Variants in FGF14 observed in about 807,000 individuals in gnomAD.
The protein encoded by FGF14 is fibroblast growth factor homologous factor 4.
A neutral mutation model predicts 25.5 loss-of-function variants in FGF14; 5 were observed. The observed-to-expected ratio is 0.20, with a 90% CI of 0.10 to 0.41. The LOEUF is 0.41. FGF14 is among the 10% of genes least tolerant of loss of function. The pLI is 1.00. For synonymous variants in FGF14, 138 were observed against 118.3 expected (o/e 1.17, Z -1.08); for missense variants, 222 against 320.1 (o/e 0.69, Z 2.34).
intron 1 of FGF14, among the ~76,000 whole-genome samples, chr13:102,332,473 T>C (rs1450595429): frequency 1.3e-5 from 2 of 152,156 alleles, no homozygotes; most frequent in Non-Finnish European, 2.9e-5. Context: ...GAAACATTAA[T>C]GAGAATCCAA....
intron 1 of FGF14, among the ~76,000 whole-genome samples, chr13:102,259,906 C>G (rs367720828): frequency 1.3e-5 from 2 of 152,200 alleles, no homozygotes; most frequent in South Asian, 4.1e-4. Context: ...TGTTTTTCTG[C>G]ATCTTTTAAA....
At chr13:102,251,194 G>C (rs1010433945) in intron 1 of FGF14, among the ~76,000 whole-genome samples, 1 of 152,100 alleles carries the variant, frequency 6.6e-6, no homozygotes, top group African/African-American at 2.4e-5. Flanking sequence ...CATTGGTATG[G>C]TATCTTTGTC....
At chr13:102,257,346 T>TC (rs1176835081) in intron 1 of FGF14, among the ~76,000 whole-genome samples, 2 of 118,418 alleles carry the variant, frequency 1.7e-5, no homozygotes, top group African/African-American at 6.4e-5. Flanking sequence ...TCTTTTCTTT[T>TC]TTTTTTTTTT....
At chr13:102,174,321 CT>C (rs35818329) in intron 1 of FGF14, among the ~76,000 whole-genome samples, 23,484 of 146,832 alleles carry the variant, frequency 0.16, 3,292 homozygotes, top group East Asian at 0.7. Context: ...TTCTTTCTTT[CT>C]TTTTTTTTTT....
chr13:102,269,662 T>C (rs9554861), intron 1 of FGF14, among the ~76,000 whole-genome samples: 1 of 152,072 alleles, frequency 6.6e-6, no homozygotes. Context: ...TAGCTAGGAC[T>C]GCCAGGCATG....
At chr13:102,267,311 T>C (rs887096540) in intron 1 of FGF14, among the ~76,000 whole-genome samples, 2 of 152,176 alleles carry the variant, frequency 1.3e-5, no homozygotes, top group Admixed American at 1.3e-4. Flanking sequence ...CTGAACACTG[T>C]GCTTAGAACA....
rs151184948 is a variant in FGF14 at position 102,254,040 on chromosome 13, C to T, written c.208+147431G>A. Among the ~76,000 whole-genome samples, 164 of 152,248 alleles carry T rather than the reference C, an allele frequency of 1.1e-3. 2 individuals carry two copies. In the East Asian group the frequency reaches 0.024, roughly 22 times the overall value. On this transcript the variant is annotated intron_variant, in intron 1 of 4. Transcript: ENST00000376131. ...GAAGGTAAACAATGAACACAGTACA[C>T]GGTAACACCACCCAAGGGTAGTAAG...
chr13:101,809,054 T>C (rs2041355357), intron 3 of FGF14, among the ~76,000 whole-genome samples: 1 of 152,096 alleles, frequency 6.6e-6, no homozygotes. Context: ...TTCTTGGCTT[T>C]TGATAAATTG....
chr13:102,342,776 C>T (rs1363054954), intron 1 of FGF14, among the ~76,000 whole-genome samples: 1 of 152,090 alleles, frequency 6.6e-6, no homozygotes, highest in African/African-American at 2.4e-5. Flanking sequence ...CATCTCAGAA[C>T]ACCAGTGGAG....
chr13:102,267,280 T>C (rs1400882932), intron 1 of FGF14, among the ~76,000 whole-genome samples: 1 of 152,194 alleles, frequency 6.6e-6, no homozygotes, highest in Non-Finnish European at 1.5e-5. Context: ...CTGAGACTTC[T>C]CCATCTTTGT....
chr13:101,818,817 C>T (rs1040657529), intron 3 of FGF14, among the ~76,000 whole-genome samples: 9 of 152,160 alleles, frequency 5.9e-5, no homozygotes, highest in Non-Finnish European at 1.3e-4. Context: ...TGGCAATAAT[C>T]CCTATGCAGA....
intron 1 of FGF14, among the ~76,000 whole-genome samples, chr13:102,118,514 T>C (rs1026466149): frequency 3.3e-5 from 5 of 152,158 alleles, no homozygotes; most frequent in African/African-American, 1.2e-4. Context: ...GGTCCATCTA[T>C]GTTAGAACAA....
At chr13:102,087,575 C>CTTTTTTT (rs1166446102) in intron 1 of FGF14, among the ~76,000 whole-genome samples, 14 of 79,862 alleles carry the variant, frequency 1.8e-4, no homozygotes, top group South Asian at 5.5e-4. Context: ...CCATGCCTGG[C>CTTTTTTT]TTTTTTTTTT....
chr13:101,794,884 TGAC>T (rs2040432638), intron 3 of FGF14, among the ~76,000 whole-genome samples: 1 of 152,200 alleles, frequency 6.6e-6, no homozygotes, highest in Non-Finnish European at 1.5e-5. Flanking sequence ...AAAGATGTAT[TGAC>T]TTTATATGAA....
chr13:102,399,345 A>C (rs529526449), intron 1 of FGF14, among the ~76,000 whole-genome samples: 33 of 152,230 alleles, frequency 2.2e-4, no homozygotes, highest in Non-Finnish European at 4.1e-4. Flanking sequence ...GTCACATCTA[A>C]ATAAAAAATG....
chr13:101,849,007 T>C (rs1220089415), intron 3 of FGF14, among the ~76,000 whole-genome samples: 1 of 152,070 alleles, frequency 6.6e-6, no homozygotes, highest in African/African-American at 2.4e-5. Context: ...TTCTCGCTCA[T>C]TTTTTGTATC....
At chr13:102,066,278 T>C (rs555392034) in intron 1 of FGF14, among the ~76,000 whole-genome samples, 9 of 152,288 alleles carry the variant, frequency 5.9e-5, no homozygotes, top group African/African-American at 2.2e-4. Flanking sequence ...AGTGCCTTAC[T>C]ATGTAAGTGA....
chr13:102,265,092 A>G (rs1308334486), intron 1 of FGF14, among the ~76,000 whole-genome samples: 2 of 152,156 alleles, frequency 1.3e-5, no homozygotes, highest in African/African-American at 4.8e-5. Flanking sequence ...TCATAACCAA[A>G]AAACAATTTA....
intron 3 of FGF14, among the ~76,000 whole-genome samples, chr13:101,755,268 C>T (rs1367680883): frequency 6.6e-6 from 1 of 152,150 alleles, no homozygotes; most frequent in East Asian, 1.9e-4. Context: ...TCACACTACC[C>T]ACCCTCTTAA....
Sources: gnomAD v4.1 joint callset for allele counts (sites outside exome capture counted in the v4.1 genomes callset) on GRCh38, gnomAD v4.1.1 for gene constraint, MANE v1.5 for transcripts, NCBI Gene and HGNC (gene_info 2026-07-23, HGNC 2026-07-21) for gene names.